INO80D: variants seen among roughly 807,000 people sequenced by gnomAD.
The protein encoded by INO80D is INO80 complex subunit D.
In INO80D, 21 loss-of-function variants were observed where a neutral mutation model predicts 87.6. The observed-to-expected ratio is 0.24, with a 90% CI of 0.17 to 0.35. The LOEUF (loss-of-function observed/expected upper bound fraction) is 0.35. INO80D is among the 10% of genes least tolerant of loss of function. The pLI, the probability that INO80D is intolerant of heterozygous loss-of-function variation, is 1.00. For synonymous variants in INO80D, 440 were observed against 491.0 expected (o/e 0.90, Z 1.37); for missense variants, 982 against 1,280.7 (o/e 0.77, Z 3.56).
intron 6 of INO80D, chr2:206,025,569 A>ATATATATAT (rs1559439742): frequency 3.3e-5 from 4 of 120,856 alleles, no homozygotes; most frequent in South Asian, 2.5e-4. Flanking sequence ...ATATATATAT[A>ATATATATAT]AAATAACTAA....
Position 205,995,918 on chromosome 2 carries a change from T to C in INO80D, c.*8450A>G, listed in dbSNP as rs1687799708. On this transcript the variant is annotated 3_prime_UTR_variant, in exon 11 of 11. Transcript: ENST00000403263. Reference sequence around the variant, plus strand: ...AACATGTGACCTTGTATGCTTTCCATTAAAATGTAAATGGTGAAGTTATGA... The same window carrying C: ...AACATGTGACCTTGTATGCTTTCCACTAAAATGTAAATGGTGAAGTTATGA... 6.6e-6 allele frequency: 1 copy of C among 152,102 alleles called. No individual in the cohort carries two copies. Among genetic ancestry groups the C allele is most frequent in the African/African-American group, 2.4e-5 (1 of 41,454 alleles). 9.4% of individuals were successfully genotyped at this position (152,102 alleles called of 1,614,324 possible).
chr2:206,008,701 G>C (rs1688092008), intron 9 of INO80D, among the ~76,000 whole-genome samples: 1 of 152,134 alleles, frequency 6.6e-6, no homozygotes, highest in Non-Finnish European at 1.5e-5. Flanking sequence ...ACCATATGCA[G>C]TCATATTTCT....
intron 1 of INO80D, among the ~76,000 whole-genome samples, chr2:206,074,073 A>G (rs1261569500): frequency 6.6e-6 from 1 of 152,168 alleles, no homozygotes; most frequent in Non-Finnish European, 1.5e-5. Flanking sequence ...TAGCCAAACT[A>G]AATTTATTAA....
chr2:206,078,402 C>A (rs1025064139), intron 1 of INO80D, among the ~76,000 whole-genome samples: 43 of 152,122 alleles, frequency 2.8e-4, no homozygotes, highest in Non-Finnish European at 4.4e-5. Context: ...GGCAACACAG[C>A]GAGACTCCAT....
intron 5 of INO80D, chr2:206,040,746 T>C: frequency 3.5e-6 from 1 of 287,002 alleles, no homozygotes; most frequent in South Asian, 3.4e-5. Flanking sequence ...TCAGAGATCC[T>C]GCTCTTAAAC....
chr2:206,028,358 G>A, intron 5 of INO80D, 23 bp from the exon 6 acceptor site: 1 of 1,537,658 alleles, frequency 6.5e-7, no homozygotes, highest in South Asian at 1.2e-5. Flanking sequence ...GGGAGAGAAA[G>A]GAAAAACTGA....
chr2:206,003,706 T>G lies in INO80D; in HGVS notation c.*662A>C, dbSNP rs1687946411. On this transcript the variant is annotated 3_prime_UTR_variant, in exon 11 of 11. Coordinates refer to ENST00000403263, the MANE Select transcript of INO80D (RefSeq NM_017759.5). Reference sequence around the variant, plus strand: ...CAGGAGAAAAGTAAGAGTTTTATACTCATTAAGTAGGGGGAAGGGGAGAAC... The same window carrying G: ...CAGGAGAAAAGTAAGAGTTTTATACGCATTAAGTAGGGGGAAGGGGAGAAC... The G allele has an allele frequency of 1.3e-5, 2 of 153,774 alleles. No individual in the cohort carries two copies. The highest frequency in any genetic ancestry group is 2.9e-5 in the Non-Finnish European group (2 of 69,180). 9.5% of individuals were successfully genotyped at this position (153,774 alleles called of 1,614,324 possible). A position where few individuals can be genotyped will look rare whatever the true frequency, so the allele number is the denominator to read the frequency against.
At chr2:206,043,645 G>A (rs559035320) in intron 5 of INO80D, among the ~76,000 whole-genome samples, 1 of 151,856 alleles carries the variant, frequency 6.6e-6, no homozygotes, top group South Asian at 2.1e-4. Context: ...CCGCCACCAG[G>A]CCCAGCTAAT....
At chr2:206,035,414 A>C (rs1688867978) in intron 5 of INO80D, among the ~76,000 whole-genome samples, 1 of 152,218 alleles carries the variant, frequency 6.6e-6, no homozygotes, top group South Asian at 2.1e-4. Context: ...ACGGGACAGA[A>C]TAGAGAACCC....
At chr2:206,078,415 CA>C (rs946947837) in intron 1 of INO80D, among the ~76,000 whole-genome samples, 8 of 151,972 alleles carry the variant, frequency 5.3e-5, no homozygotes, top group African/African-American at 1.9e-4. Flanking sequence ...GACTCCATCT[CA>C]AAAAAATAAA....
At chr2:206,006,627 G>C (rs568697605) in intron 10 of INO80D, among the ~76,000 whole-genome samples, 1 of 148,794 alleles carries the variant, frequency 6.7e-6, no homozygotes, top group Non-Finnish European at 1.5e-5. Context: ...AGGTTGCAAT[G>C]AGCCAAAATG....
chr2:206,057,813 A>G (rs1199531797), intron 3 of INO80D, among the ~76,000 whole-genome samples: 1 of 152,112 alleles, frequency 6.6e-6, no homozygotes, highest in African/African-American at 2.4e-5. Flanking sequence ...ACTTTAAAAT[A>G]AAATAATAAA....
intron 6 of INO80D, among the ~76,000 whole-genome samples, chr2:206,026,765 G>A (rs1027057229): frequency 2.4e-4 from 36 of 151,344 alleles, no homozygotes; most frequent in Admixed American, 2.4e-3. Context: ...AGGTATTACT[G>A]TACTAAGGTT....
chr2:206,016,633 ACT>A (rs1440345123), intron 8 of INO80D, among the ~76,000 whole-genome samples: 2 of 152,064 alleles, frequency 1.3e-5, no homozygotes, highest in Admixed American at 6.5e-5. Context: ...ATACGGTTTG[ACT>A]CTGTGTCCCC....
At chr2:206,070,346 C>T (rs1361214725) in intron 1 of INO80D, among the ~76,000 whole-genome samples, 1 of 151,660 alleles carries the variant, frequency 6.6e-6, no homozygotes, top group African/African-American at 2.4e-5. Flanking sequence ...ATTGCTTGAG[C>T]CTGAGAGGTC....
intron 8 of INO80D, among the ~76,000 whole-genome samples, chr2:206,017,017 A>G (rs1198130280): frequency 6.6e-6 from 1 of 152,160 alleles, no homozygotes; most frequent in Admixed American, 6.5e-5. Context: ...ACACACATTG[A>G]GACTGAGGTC....
chr2:206,032,651 T>C (rs1204788723), intron 5 of INO80D, among the ~76,000 whole-genome samples: 2 of 152,200 alleles, frequency 1.3e-5, no homozygotes, highest in Admixed American at 1.3e-4. Context: ...TAGAAGGGAT[T>C]GGGGCCCTAT....
intron 5 of INO80D, among the ~76,000 whole-genome samples, chr2:206,043,971 C>T (rs1240719560): frequency 6.6e-6 from 1 of 152,100 alleles, no homozygotes; most frequent in Non-Finnish European, 1.5e-5. Flanking sequence ...GCAGGAAGAT[C>T]CCTTCAGACC....
At chr2:206,052,020 G>T (rs1469020737) in intron 4 of INO80D, among the ~76,000 whole-genome samples, 1 of 152,134 alleles carries the variant, frequency 6.6e-6, no homozygotes, top group Non-Finnish European at 1.5e-5. Context: ...GTTTGTTAAA[G>T]ATTATTTATT....
Sources: gnomAD v4.1 joint callset for allele counts (sites outside exome capture counted in the v4.1 genomes callset) on GRCh38, gnomAD v4.1.1 for gene constraint, MANE v1.5 for transcripts, NCBI Gene and HGNC (gene_info 2026-07-23, HGNC 2026-07-21) for gene names.